The following SPTA1 variants were observed in gnomAD, a reference collection of about 807,000 sequenced individuals.
The protein encoded by SPTA1 is spectrin alpha chain, erythrocytic 1.
A neutral mutation model predicts 324.7 loss-of-function variants in SPTA1; 177 were observed. The observed-to-expected ratio is 0.55, with a 90% CI of 0.48 to 0.62. The LOEUF is 0.62. Ranked by LOEUF, SPTA1 falls within the 20% of genes least tolerant of loss-of-function variation. SPTA1 has a pLI of 0.00. For synonymous variants in SPTA1, 1,195 were observed against 1,041.3 expected (o/e 1.15, Z -2.84); for missense variants, 3,162 against 2,883.6 (o/e 1.10, Z -2.21).
chr1:158,619,329 C>G lies in SPTA1; in HGVS notation c.6423G>C (p.Arg2141=). ...CCTCTTCCTTTTGCAGCTCCTGCTC[C>G]CGTTCCTAAAACCCCAAATCACAGA... ...WKHLSDIIEE[R]EQELQKEEAR... is the part of the protein sequence containing the mutation. The change falls in exon 45 of 52, where the codon CGG becomes CGC. Residue 2141 remains arginine, a synonymous_variant. Transcript: ENST00000643759. The G allele has an allele frequency of 6.2e-7, 1 of 1,614,112 alleles. No homozygotes were observed. Among genetic ancestry groups the G allele is most frequent in the Non-Finnish European group, 8.5e-7 (1 of 1,179,958 alleles).
rs752920767 is a variant in SPTA1, at chr1:158,678,398, T to C, written c.812+3A>G. 33 of 1,613,466 alleles carry C rather than the reference T, an allele frequency of 2.0e-5. No homozygotes were observed. Among genetic ancestry groups the C allele is most frequent in the Non-Finnish European group, 2.5e-5 (29 of 1,179,614 alleles). On this transcript the variant is annotated splice_donor_region_variant and intron_variant, in intron 6 of 51. Transcript: ENST00000643759. ...TTCTATAAAGCAGTGGCCAGATCCA[T>C]ACCTTTTGAATCGTTGTAAGTTTGC...
Position 158,619,103 on chromosome 1 carries a change from G to T in SPTA1, c.6530+119C>A, listed in dbSNP as rs1191156828. On this transcript the variant is annotated intron_variant, in intron 45 of 51. Coordinates refer to ENST00000643759, the MANE Select transcript of SPTA1 (RefSeq NM_003126.4). ...ATATAAAGCATAGGCAAGATATGGG[G>T]ATTTTAGGGCAGAATACATGCTCTC... 6 of 997,944 alleles carry T rather than the reference G, an allele frequency of 6.0e-6. No homozygotes were observed. In the East Asian group the frequency reaches 9.5e-5, roughly 16 times the overall value. The allele number at this position is 997,944 out of a possible 1,614,324, so 61.8% of individuals were successfully genotyped here.
At chr1:158,647,225 G>A (rs192645613) in intron 27 of SPTA1, among the ~76,000 whole-genome samples, 1 of 152,220 alleles carries the variant, frequency 6.6e-6, no homozygotes, top group Non-Finnish European at 1.5e-5. Flanking sequence ...GCCTCATTAT[G>A]TTCTACCATA....
chr1:158,671,029 A>G (rs1057304537), intron 12 of SPTA1, among the ~76,000 whole-genome samples: 1 of 152,092 alleles, frequency 6.6e-6, no homozygotes, highest in African/African-American at 2.4e-5. Flanking sequence ...CTTTCCAGAT[A>G]TGCTTTGTAG....
rs1365060895 is a variant in SPTA1 at position 158,634,984 on chromosome 1, A to C, written c.5433-309T>G. ...AATGATGACTTCAGTGTTGGAGAATATCAGCAGTGACACAATGTCTCTTTC... is the reference window on the plus strand; with the variant it reads ...AATGATGACTTCAGTGTTGGAGAATCTCAGCAGTGACACAATGTCTCTTTC... On this transcript the variant is annotated intron_variant, in intron 38 of 51. Coordinates refer to ENST00000643759, the MANE Select transcript of SPTA1 (RefSeq NM_003126.4). 5.9e-5 allele frequency among the ~76,000 whole-genome samples: 9 copies of C among 152,346 alleles called. No individual in the cohort carries two copies. In the East Asian group the frequency reaches 1.5e-3, roughly 26 times the overall value.
intron 33 of SPTA1, among the ~76,000 whole-genome samples, chr1:158,640,780 A>T (rs1179803047): frequency 1.3e-5 from 2 of 152,200 alleles, no homozygotes; most frequent in East Asian, 3.9e-4. Flanking sequence ...GCTACCAATG[A>T]CTTTCTTCAC....
chr1:158,644,230 A>T lies in SPTA1; in HGVS notation c.4338+23T>A, dbSNP rs571406682. ...ATTATTACTACGGATTATTATTTTA[A>T]TTCCTTTACTAGTCATTATTACCTG... On this transcript the variant is annotated intron_variant, in intron 30 of 51. Transcript: ENST00000643759. The T allele has an allele frequency of 1.9e-6, 3 of 1,613,200 alleles. No individual in the cohort carries two copies. The African/African-American group carries it at 4.0e-5, about 22-fold the overall frequency.
intron 39 of SPTA1, among the ~76,000 whole-genome samples, chr1:158,628,536 A>G (rs1418702573): frequency 6.6e-6 from 1 of 152,206 alleles, no homozygotes; most frequent in African/African-American, 2.4e-5. Context: ...TACTCATTGT[A>G]AAACAAGATG....
chr1:158,636,088 G>C, intron 37 of SPTA1, 54 bp from the exon 38 acceptor site: 1 of 1,613,762 alleles, frequency 6.2e-7, no homozygotes, highest in South Asian at 1.1e-5. Context: ...TCCCCATTTA[G>C]CCATAGTCCC....
At chr1:158,659,592 A>ATTTTTTTTTT (rs1266984762) in intron 18 of SPTA1, among the ~76,000 whole-genome samples, 1 of 92,686 alleles carries the variant, frequency 1.1e-5, no homozygotes, top group African/African-American at 3.3e-5. Context: ...TAGTCTTAGC[A>ATTTTTTTTTT]TTATTTTTTT....
Position 158,613,814 on chromosome 1 carries a change from C to T in SPTA1, c.6896G>A (p.Cys2299Tyr). The part of the protein sequence containing the change: ...GRLTHKEFRS[C>Y]LRGLNYYLPM... Reference sequence around the variant, plus strand: ...CAAGTAGTAATTGAGTCCTCTCAGGCAGGACCGGAACTCTTTGTGAGTCAG... The same window carrying T: ...CAAGTAGTAATTGAGTCCTCTCAGGTAGGACCGGAACTCTTTGTGAGTCAG... The change falls in exon 50 of 52, where the codon TGC (cysteine) becomes TAC (tyrosine). Residue 2299 changes from cysteine to tyrosine, a missense_variant. Cys to Tyr is a radical substitution (Grantham distance 194). Coordinates refer to ENST00000643759, the MANE Select transcript of SPTA1 (RefSeq NM_003126.4). 1 of 1,613,920 alleles carries T rather than the reference C, an allele frequency of 6.2e-7. No individual in the cohort carries two copies.
At position 158,672,132 on chromosome 1, in the gene SPTA1, T is replaced by G. The variant is rs763349506; in HGVS notation, c.1415A>C (p.Tyr472Ser). 6.2e-7 allele frequency: 1 copy of G among 1,614,090 alleles called. No homozygotes were observed. The highest frequency in any genetic ancestry group is 8.5e-7 in the Non-Finnish European group (1 of 1,179,982). The change falls in exon 11 of 52, where the codon TAT becomes TCT. Residue 472 changes from tyrosine to serine, a missense_variant. Tyr to Ser is a moderately radical substitution (Grantham distance 144). Transcript: ENST00000643759. Reference sequence around the variant, plus strand: ...GAGATGAAAGTCCAAGCACTGCTCATACTGACGATGACGCTCGTCCCACAG... The same window carrying G: ...GAGATGAAAGTCCAAGCACTGCTCAGACTGACGATGACGCTCGTCCCACAG... ...LELWDERHRQYEQCLDFHLFY... is the reference protein window; with the variant it reads ...LELWDERHRQSEQCLDFHLFY...
Position 158,669,487 on chromosome 1 carries a change from T to C in SPTA1, c.1754A>G (p.Gln585Arg). The stretch of plus-strand genomic sequence containing the variant: ...GTCATCTGAGTCCTCATACAGTTTT[T>C]GCAGAAGCAATGACTCCTTCAGCAA... ...RRLLKESLLL[Q>R]KLYEDSDDLK... The change falls in exon 14 of 52, where the codon CAA becomes CGA. Residue 585 changes from glutamine (Q) to arginine (R), a missense_variant. By Grantham distance (43) the Gln-to-Arg change is conservative. Coordinates refer to ENST00000643759, the MANE Select transcript of SPTA1 (RefSeq NM_003126.4). The C allele has an allele frequency of 6.2e-7, 1 of 1,614,202 alleles. No homozygotes were observed. The highest frequency in any genetic ancestry group is 1.3e-5 in the African/African-American group (1 of 75,062).
intron 35 of SPTA1, among the ~76,000 whole-genome samples, chr1:158,638,641 C>T (rs1169513404): frequency 1.3e-5 from 2 of 151,276 alleles, no homozygotes. Flanking sequence ...CATGGTGAAA[C>T]CCTGTCTGTA....
intron 23 of SPTA1, 29 bp from the exon 24 acceptor site, chr1:158,651,497 G>A (rs541611058): frequency 2.1e-6 from 3 of 1,463,076 alleles, no homozygotes; most frequent in African/African-American, 2.8e-5. Flanking sequence ...CCAAAGCAGT[G>A]TAAATTCATC....
At chr1:158,619,796 C>T (rs375308176) in intron 44 of SPTA1, among the ~76,000 whole-genome samples, 134 of 152,188 alleles carry the variant, frequency 8.8e-4, no homozygotes, top group African/African-American at 2.9e-3. Context: ...AAAATACATA[C>T]GTAGCAAGGC....
intron 27 of SPTA1, among the ~76,000 whole-genome samples, chr1:158,647,320 A>G (rs1174232101): frequency 6.6e-6 from 1 of 152,224 alleles, no homozygotes; most frequent in Admixed American, 6.5e-5. Context: ...CTTCTACATT[A>G]TAGAAGCTTA....
At chr1:158,651,328 A>T in intron 24 of SPTA1, 39 bp downstream of exon 24, 1 of 1,420,044 alleles carries the variant, frequency 7.0e-7, no homozygotes, top group Non-Finnish European at 1.0e-6. Context: ...CCCAAAGCCC[A>T]ACCTGGTAGT....
intron 42 of SPTA1, 133 bp downstream of exon 42, chr1:158,626,013 A>G (rs377664592): frequency 9.9e-5 from 68 of 688,002 alleles, no homozygotes; most frequent in South Asian, 2.3e-4. Context: ...TTAGGAAATT[A>G]TTAATATTAA....
Sources: gnomAD v4.1 joint callset for allele counts (sites outside exome capture counted in the v4.1 genomes callset) on GRCh38, gnomAD v4.1.1 for gene constraint, MANE v1.5 for transcripts, NCBI Gene and HGNC (gene_info 2026-07-23, HGNC 2026-07-21) for gene names.